Variants in NCOA1 observed in about 807,000 individuals in gnomAD.
NCOA1 encodes nuclear receptor coactivator 1.
NCOA1 carries 35 observed loss-of-function variants against 150.9 expected under a neutral mutation model. The observed-to-expected ratio is 0.23, with a 90% CI of 0.18 to 0.31. NCOA1 has a LOEUF of 0.31. Among genes scored for constraint, NCOA1 ranks in the 10% least tolerant of loss-of-function variants. NCOA1 has a pLI of 1.00. For synonymous variants in NCOA1, 590 were observed against 630.0 expected, an observed-to-expected ratio of 0.94 and a Z score of 0.95; for missense variants, 1,491 against 1,749.3, an observed-to-expected ratio of 0.85 and a Z score of 2.63.
chr2:24,681,006 T>G (rs910828162), intron 7 of NCOA1, among the ~76,000 whole-genome samples: 6 of 151,744 alleles, frequency 4.0e-5, no homozygotes, highest in African/African-American at 1.5e-4. Context: ...CCTTCCAGTT[T>G]CCTTGATTTT....
intron 22 of NCOA1, chr2:24,767,976 C>A: frequency 1.8e-6 from 2 of 1,133,038 alleles, no homozygotes; most frequent in Non-Finnish European, 2.6e-6. Flanking sequence ...GTATTGATGG[C>A]AACCCTATAG....
chr2:24,728,630 T>A (rs1331103916), intron 16 of NCOA1, among the ~76,000 whole-genome samples, 154 bp downstream of exon 16: 3 of 152,180 alleles, frequency 2.0e-5, no homozygotes, highest in African/African-American at 7.2e-5. Flanking sequence ...GTTTTTTTTT[T>A]AAGAAAAAGT....
At chr2:24,526,000 TG>T (rs954538257) in intron 1 of NCOA1, among the ~76,000 whole-genome samples, 4 of 152,194 alleles carry the variant, frequency 2.6e-5, no homozygotes, top group African/African-American at 9.6e-5. Flanking sequence ...CTTTGATGTC[TG>T]TATTTGAAGA....
At chr2:24,550,847 G>A (rs891163904) in intron 1 of NCOA1, among the ~76,000 whole-genome samples, 1 of 152,186 alleles carries the variant, frequency 6.6e-6, no homozygotes, top group African/African-American at 2.4e-5. Flanking sequence ...AGTGGTTCAT[G>A]CCTGAAATCC....
intron 3 of NCOA1, among the ~76,000 whole-genome samples, chr2:24,627,152 G>T (rs1433197455): frequency 4.1e-5 from 5 of 122,078 alleles, no homozygotes; most frequent in Admixed American, 9.7e-5. Flanking sequence ...TTAAGTTAAG[G>T]CTAGGTCTCT....
intron 2 of NCOA1, among the ~76,000 whole-genome samples, chr2:24,576,009 C>T (rs1666939103): frequency 6.6e-6 from 1 of 152,018 alleles, no homozygotes; most frequent in African/African-American, 2.4e-5. Flanking sequence ...GACTTTTCTC[C>T]TAGAGCTAAT....
At position 24,621,981 on chromosome 2, in the gene NCOA1, C is replaced by T. The variant is rs931493480; in HGVS notation, c.-174-21985C>T. Among the ~76,000 whole-genome samples, 5 of 152,162 alleles carry T rather than the reference C, an allele frequency of 3.3e-5. No individual in the cohort carries two copies. In the South Asian group the frequency reaches 6.2e-4, roughly 19 times the overall value. Reference sequence around the variant, plus strand: ...TTCACAGAGTGACACCTCTAGTCCCCGCATGTTTTGACATGTTAACTGTGT... The same window carrying T: ...TTCACAGAGTGACACCTCTAGTCCCTGCATGTTTTGACATGTTAACTGTGT... On this transcript the variant is annotated intron_variant, in intron 3 of 22. Coordinates refer to ENST00000348332, the MANE Select transcript of NCOA1 (RefSeq NM_003743.5).
intron 1 of NCOA1, among the ~76,000 whole-genome samples, chr2:24,512,463 C>G (rs530839815): frequency 6.6e-6 from 1 of 152,222 alleles, no homozygotes; most frequent in South Asian, 2.1e-4. Context: ...ATTCCTAAAG[C>G]AATTCAGTTC....
intron 8 of NCOA1, among the ~76,000 whole-genome samples, chr2:24,685,893 A>G (rs1672375893): frequency 6.6e-6 from 1 of 152,234 alleles, no homozygotes; most frequent in Non-Finnish European, 1.5e-5. Flanking sequence ...TGAAGGAAGG[A>G]CAATCTTGTC....
intron 2 of NCOA1, among the ~76,000 whole-genome samples, chr2:24,578,058 C>A (rs995309283): frequency 1.3e-5 from 2 of 152,126 alleles, no homozygotes; most frequent in African/African-American, 4.8e-5. Context: ...TCACAACGTA[C>A]TCTTTTGCTT....
chr2:24,632,432 C>T (rs1323419065), intron 3 of NCOA1, among the ~76,000 whole-genome samples: 5 of 152,304 alleles, frequency 3.3e-5, no homozygotes, highest in Non-Finnish European at 5.9e-5. Context: ...TGTCACTGTG[C>T]TTATGCACTT....
chr2:24,708,601 A>G, intron 13 of NCOA1, among the ~76,000 whole-genome samples: 1 of 152,186 alleles, frequency 6.6e-6, no homozygotes, highest in East Asian at 1.9e-4. Flanking sequence ...AGTTTAAAAA[A>G]AAATATGGCC....
chr2:24,655,904 T>C (rs527422787), intron 4 of NCOA1, among the ~76,000 whole-genome samples: 10 of 151,396 alleles, frequency 6.6e-5, no homozygotes, highest in East Asian at 1.9e-4. Flanking sequence ...CTGGCTAACA[T>C]GGTGAAACCC....
chr2:24,708,371 T>C (rs1673567894), intron 13 of NCOA1, among the ~76,000 whole-genome samples: 1 of 152,198 alleles, frequency 6.6e-6, no homozygotes, highest in Non-Finnish European at 1.5e-5. Flanking sequence ...CATCTGATTC[T>C]GACCACCCTC....
At chr2:24,563,718 A>C (rs926341393) in intron 1 of NCOA1, among the ~76,000 whole-genome samples, 1 of 152,130 alleles carries the variant, frequency 6.6e-6, no homozygotes, top group African/African-American at 2.4e-5. Context: ...GAGTTTTGTC[A>C]TGTTGCCCAG....
chr2:24,651,332 AG>A (rs971311527), intron 4 of NCOA1, among the ~76,000 whole-genome samples: 3 of 152,106 alleles, frequency 2.0e-5, no homozygotes, highest in African/African-American at 7.2e-5. Context: ...TAGATAAAGA[AG>A]TTGTAATATA....
At chr2:24,645,777 C>T (rs955810439) in intron 4 of NCOA1, among the ~76,000 whole-genome samples, 7 of 152,118 alleles carry the variant, frequency 4.6e-5, no homozygotes, top group Non-Finnish European at 7.4e-5. Context: ...GGATTTTGGA[C>T]TTGGGATGCT....
intron 1 of NCOA1, among the ~76,000 whole-genome samples, chr2:24,541,231 A>G (rs72803301): frequency 0.052 from 7,874 of 152,238 alleles, 289 homozygotes; most frequent in East Asian, 0.2. Context: ...AATGACCACT[A>G]CTGTTTGAGA....
At chr2:24,495,480 C>T (rs1663165529) in intron 1 of NCOA1, among the ~76,000 whole-genome samples, 1 of 152,112 alleles carries the variant, frequency 6.6e-6, no homozygotes, top group African/African-American at 2.4e-5. Context: ...TCTTACCACT[C>T]CCCGAGAGTA....
Sources: allele counts gnomAD v4.1 joint callset (sites outside exome capture counted in the v4.1 genomes callset), GRCh38; gene constraint gnomAD v4.1.1; transcripts MANE v1.5; gene names NCBI Gene and HGNC (gene_info 2026-07-23, HGNC 2026-07-21).